The following FHIT variants were observed in gnomAD, a reference collection of about 807,000 sequenced individuals.
FHIT encodes bis(5'-adenosyl)-triphosphatase.
FHIT carries 19 observed loss-of-function variants against 17.9 expected under a neutral mutation model. The ratio of observed to expected loss-of-function variants is 1.06; its 90% CI spans 0.74 to 1.56. FHIT has a LOEUF of 1.56. Ranked by LOEUF, FHIT falls within the 40% of genes most tolerant of loss-of-function variation. FHIT has a pLI of 0.00. For synonymous variants in FHIT, 81 were observed against 69.7 expected (o/e 1.16, Z -0.81); for missense variants, 248 against 189.2 (o/e 1.31, Z -1.82).
At chr3:59,757,875 C>G (rs1022044864) in intron 8 of FHIT, among the ~76,000 whole-genome samples, 2 of 152,100 alleles carry the variant, frequency 1.3e-5, no homozygotes, top group Non-Finnish European at 2.9e-5. Context: ...TCTCTTATTA[C>G]TTTCTATTCA....
At chr3:60,810,700 C>T (rs1441769317) in intron 4 of FHIT, among the ~76,000 whole-genome samples, 1 of 151,994 alleles carries the variant, frequency 6.6e-6, no homozygotes, top group Non-Finnish European at 1.5e-5. Context: ...GAAGAAATTG[C>T]TTCTTAAAAA....
chr3:61,184,028 C>T (rs1021074809), intron 2 of FHIT, among the ~76,000 whole-genome samples: 15 of 152,060 alleles, frequency 9.9e-5, no homozygotes, highest in South Asian at 2.1e-4. Flanking sequence ...GACGGAGCTT[C>T]GCTAGTTTCT....
chr3:61,060,540 T>C (rs6809101), intron 2 of FHIT, among the ~76,000 whole-genome samples: 78,789 of 152,110 alleles, frequency 0.52, 22,236 homozygotes, highest in Non-Finnish European at 0.65. Context: ...AGTAACTTGC[T>C]GCTGCAGTTT....
intron 2 of FHIT, among the ~76,000 whole-genome samples, chr3:61,043,768 C>T (rs1043680804): frequency 7.2e-5 from 11 of 152,322 alleles, no homozygotes; most frequent in East Asian, 1.9e-4. Context: ...AAGTACCCCT[C>T]TGAGACAAAG....
At chr3:60,711,583 A>T (rs906331931) in intron 4 of FHIT, among the ~76,000 whole-genome samples, 1 of 152,250 alleles carries the variant, frequency 6.6e-6, no homozygotes, top group Non-Finnish European at 1.5e-5. Flanking sequence ...TGCTTAAAGG[A>T]GCTGATGGAG....
chr3:60,150,627 G>T (rs1014937193), intron 5 of FHIT, among the ~76,000 whole-genome samples: 10 of 152,148 alleles, frequency 6.6e-5, no homozygotes, highest in African/African-American at 2.4e-4. Context: ...TTTAAGAAAA[G>T]AATGTAATGG....
intron 5 of FHIT, among the ~76,000 whole-genome samples, chr3:60,074,667 A>T (rs1702927817): frequency 6.6e-6 from 1 of 151,276 alleles, no homozygotes; most frequent in African/African-American, 2.4e-5. Flanking sequence ...CAAAGGGGAA[A>T]AAAAAACAAC....
chr3:60,860,148 G>C (rs1183557894), intron 3 of FHIT, among the ~76,000 whole-genome samples: 8 of 75,872 alleles, frequency 1.1e-4, no homozygotes, highest in Non-Finnish European at 1.6e-4. Flanking sequence ...TATACATATG[G>C]TATATATGAT....
chr3:61,012,458 T>A (rs1559908628), intron 3 of FHIT, among the ~76,000 whole-genome samples: 1 of 152,232 alleles, frequency 6.6e-6, no homozygotes, highest in South Asian at 2.1e-4. Context: ...CAAGAAGTTT[T>A]AAAAAATTCA....
chr3:60,633,418 T>A (rs569153955), intron 4 of FHIT, among the ~76,000 whole-genome samples: 49 of 152,256 alleles, frequency 3.2e-4, no homozygotes, highest in African/African-American at 1.2e-3. Context: ...AAACACACAA[T>A]AAGTATTAGA....
At chr3:60,054,857 A>T (rs1182719046) in intron 5 of FHIT, among the ~76,000 whole-genome samples, 1 of 152,118 alleles carries the variant, frequency 6.6e-6, no homozygotes, top group Admixed American at 6.5e-5. Flanking sequence ...CGCAATAATA[A>T]TAGCATTTCA....
intron 5 of FHIT, among the ~76,000 whole-genome samples, chr3:60,387,619 T>C (rs1701063736): frequency 6.6e-6 from 1 of 152,034 alleles, no homozygotes; most frequent in Non-Finnish European, 1.5e-5. Flanking sequence ...TACCCCTTCT[T>C]CTCCAACCCT....
At chr3:60,664,976 T>C (rs1226825897) in intron 4 of FHIT, among the ~76,000 whole-genome samples, 1 of 151,992 alleles carries the variant, frequency 6.6e-6, no homozygotes, top group Non-Finnish European at 1.5e-5. Flanking sequence ...CTTTTATCCT[T>C]ATTATTTCCT....
At chr3:59,817,273 G>A (rs1700632467) in intron 8 of FHIT, among the ~76,000 whole-genome samples, 1 of 152,106 alleles carries the variant, frequency 6.6e-6, no homozygotes, top group South Asian at 2.1e-4. Context: ...TAGGTTATTT[G>A]CTAAGATCAG....
chr3:60,691,943 A>G (rs892944918), intron 4 of FHIT, among the ~76,000 whole-genome samples: 4 of 152,270 alleles, frequency 2.6e-5, no homozygotes, highest in Middle Eastern at 6.8e-3. Flanking sequence ...TTCCTTGTCC[A>G]TAATGATTTC....
intron 4 of FHIT, among the ~76,000 whole-genome samples, chr3:60,649,491 G>A (rs1408497106): frequency 6.6e-6 from 1 of 152,188 alleles, no homozygotes; most frequent in Non-Finnish European, 1.5e-5. Context: ...TTCAAAGGGG[G>A]TGATCCAAGC....
At chr3:61,106,574 A>G (rs1178543145) in intron 2 of FHIT, among the ~76,000 whole-genome samples, 2 of 152,216 alleles carry the variant, frequency 1.3e-5, no homozygotes, top group African/African-American at 4.8e-5. Flanking sequence ...TATATTTATC[A>G]GGTACAACAT....
chr3:59,805,799 A>G (rs114248368), intron 8 of FHIT, among the ~76,000 whole-genome samples: 2,325 of 152,200 alleles, frequency 0.015, 20 homozygotes, highest in Non-Finnish European at 0.025. Context: ...TGAGGCTTCA[A>G]TGAGGGTTAA....
chr3:60,965,672 C>A (rs1274744373), intron 3 of FHIT, among the ~76,000 whole-genome samples: 3 of 152,198 alleles, frequency 2.0e-5, no homozygotes, highest in African/African-American at 7.2e-5. Context: ...GGACCCTGAG[C>A]TGCAGGTCTG....
Sources: allele counts gnomAD v4.1 joint callset (sites outside exome capture counted in the v4.1 genomes callset), GRCh38; gene constraint gnomAD v4.1.1; transcripts MANE v1.5; gene names NCBI Gene and HGNC (gene_info 2026-07-23, HGNC 2026-07-21).